Variants in PPP4R3A observed in about 807,000 individuals in gnomAD.
PPP4R3A encodes the protein protein phosphatase 4 regulatory subunit 3A.
PPP4R3A carries 15 observed loss-of-function variants against 91.7 expected under a neutral mutation model. The ratio of observed to expected loss-of-function variants is 0.16; its 90% confidence interval spans 0.11 to 0.25. The LOEUF is 0.25. Among genes scored for constraint, PPP4R3A ranks in the 10% least tolerant of loss-of-function variants. PPP4R3A has a pLI of 1.00. For synonymous variants in PPP4R3A, 377 were observed against 348.7 expected (o/e 1.08, Z -0.91); for missense variants, 623 against 998.4 (o/e 0.62, Z 5.07).
intron 1 of PPP4R3A, among the ~76,000 whole-genome samples, chr14:91,499,937 A>T (rs998182660): frequency 5.3e-5 from 8 of 152,024 alleles, no homozygotes; most frequent in Admixed American, 3.9e-4. Context: ...AACACAACAC[A>T]ACACTACACC....
Position 91,503,737 on chromosome 14 carries a change from A to C in PPP4R3A, c.142+5769T>G, listed in dbSNP as rs146909668. ...TTAAAATAAAAGTTGAAGAAAAAAC[A>C]AAAGAAAGAAAAGTAGTATAATGAT... is the stretch of plus-strand genomic sequence containing the variant. On this transcript the variant is annotated intron_variant, in intron 1 of 14. Coordinates refer to ENST00000554943, the MANE Select transcript of PPP4R3A (RefSeq NM_001366432.2). 3.0e-3 allele frequency among the ~76,000 whole-genome samples: 452 copies of C among 152,324 alleles called. 3 individuals carry two copies. Among genetic ancestry groups the C allele is most frequent in the Non-Finnish European group, 4.7e-3 (322 of 68,014 alleles).
intron 7 of PPP4R3A, chr14:91,475,254 C>T (rs1889117482): frequency 6.5e-6 from 1 of 152,684 alleles, no homozygotes; most frequent in South Asian, 2.1e-4. Context: ...ACATGTCACG[C>T]ACTATGTGAT....
chr14:91,489,199 G>A lies in PPP4R3A; in HGVS notation c.198+1548C>T, dbSNP rs550895167. Among the ~76,000 whole-genome samples, 298 of 152,138 alleles carry A rather than the reference G, an allele frequency of 2.0e-3. 1 individual carries two copies. The highest frequency in any genetic ancestry group is 6.9e-3 in the African/African-American group (287 of 41,512). On this transcript the variant is annotated intron_variant, in intron 2 of 14. Transcript: ENST00000554943. ...TGGGATTACAGGTGTGAGCCACCAC[G>A]CCTGGCTGGTACTACTTCTTAGTGA... is the stretch of plus-strand genomic sequence containing the variant.
intron 1 of PPP4R3A, among the ~76,000 whole-genome samples, chr14:91,492,785 C>A (rs1890304668): frequency 6.6e-6 from 1 of 152,154 alleles, no homozygotes; most frequent in Admixed American, 6.5e-5. Flanking sequence ...GGAGAAAATA[C>A]TGTTTTAATC....
chr14:91,509,808 C>T lies in PPP4R3A; in HGVS notation c.-161G>A. The T allele has an allele frequency of 3.3e-6, 4 of 1,225,686 alleles. No homozygotes were observed. Among genetic ancestry groups the T allele is most frequent in the Non-Finnish European group, 4.1e-6 (4 of 986,862 alleles). 75.9% of individuals were successfully genotyped at this position (1,225,686 alleles called of 1,614,324 possible). A position where few individuals can be genotyped will look rare whatever the true frequency, so the allele number is the denominator to read the frequency against. ...CGGGGCCGCGCCGCCGCCTGCATGG[C>T]CCGCTCCAGGGACCGAGCTCTGGGC... On this transcript the variant is annotated 5_prime_UTR_variant, in exon 1 of 15. Transcript: ENST00000554943.
intron 2 of PPP4R3A, among the ~76,000 whole-genome samples, chr14:91,489,122 T>C (rs1021378017): frequency 2.0e-5 from 3 of 152,082 alleles, no homozygotes; most frequent in Non-Finnish European, 4.4e-5. Flanking sequence ...TTAGCCAGGA[T>C]GGTCTCGATC....
chr14:91,482,580 A>G (rs1889637220), intron 3 of PPP4R3A, among the ~76,000 whole-genome samples: 1 of 152,340 alleles, frequency 6.6e-6, no homozygotes, highest in Admixed American at 6.5e-5. Context: ...CAAGTCTCAG[A>G]AACAGTCCTA....
chr14:91,475,054 C>T (rs1321428669), intron 7 of PPP4R3A: 1 of 151,880 alleles, frequency 6.6e-6, no homozygotes, highest in Non-Finnish European at 1.5e-5. Context: ...GAATTCTAAA[C>T]AGATTTTTTT....
chr14:91,502,339 T>G (rs1891017930), intron 1 of PPP4R3A, among the ~76,000 whole-genome samples: 1 of 152,080 alleles, frequency 6.6e-6, no homozygotes, highest in South Asian at 2.1e-4. Context: ...GGTAGGAGGA[T>G]TACTTGAGCC....
chr14:91,502,188 G>A (rs988320353), intron 1 of PPP4R3A, among the ~76,000 whole-genome samples: 2 of 152,114 alleles, frequency 1.3e-5, no homozygotes, highest in Non-Finnish European at 2.9e-5. Flanking sequence ...AGGAGGGTGA[G>A]GTAGGAGCAT....
chr14:91,483,356 G>C (rs1193696129), intron 3 of PPP4R3A, among the ~76,000 whole-genome samples: 3 of 152,188 alleles, frequency 2.0e-5, no homozygotes, highest in Admixed American at 2.0e-4. Flanking sequence ...CTTGAAATGT[G>C]CTGCAAGGTG....
intron 1 of PPP4R3A, among the ~76,000 whole-genome samples, chr14:91,503,737 AAAAG>A (rs1414667941): frequency 2.6e-5 from 4 of 152,210 alleles, no homozygotes; most frequent in East Asian, 1.9e-4. Flanking sequence ...AAGAAAAAAC[AAAAG>A]AAAGAAAAGT....
At chr14:91,477,072 A>G (rs1889258037) in intron 4 of PPP4R3A, 86 bp from the exon 5 acceptor site, 3 of 1,034,588 alleles carry the variant, frequency 2.9e-6, no homozygotes, top group Admixed American at 3.0e-5. Context: ...ATACACAGCA[A>G]TAACTATAAA....
intron 1 of PPP4R3A, among the ~76,000 whole-genome samples, chr14:91,497,336 TTATTTACACACACAC>T (rs1162593543): frequency 1.1e-4 from 11 of 98,356 alleles, no homozygotes; most frequent in Non-Finnish European, 2.0e-5. Context: ...GAGGAATCTT[TTATTTACACACACAC>T]ACACACACAC....
At chr14:91,466,547 G>GT in intron 10 of PPP4R3A, 2 of 512,098 alleles carry the variant, frequency 3.9e-6, no homozygotes, top group Non-Finnish European at 5.0e-6. Flanking sequence ...ATTTAAGAGT[G>GT]TATCTTTCTT....
intron 2 of PPP4R3A, among the ~76,000 whole-genome samples, chr14:91,486,235 T>C (rs565184046): frequency 4.3e-5 from 6 of 141,156 alleles, no homozygotes; most frequent in South Asian, 2.4e-4. Flanking sequence ...CATTTACCTA[T>C]ACATAGGTTT....
At chr14:91,485,787 G>GAACAAACAAAAGGAAATA (rs1889842955) in intron 2 of PPP4R3A, 57 bp from the exon 3 acceptor site, 2 of 1,177,374 alleles carry the variant, frequency 1.7e-6, no homozygotes, top group South Asian at 3.0e-5. Flanking sequence ...AAACGAAAAT[G>GAACAAACAAAAGGAAATA]AACAAACAAA....
intron 6 of PPP4R3A, 144 bp downstream of exon 6, chr14:91,476,264 T>C (rs1011046343): frequency 6.7e-6 from 5 of 743,560 alleles, no homozygotes; most frequent in South Asian, 1.8e-5. Flanking sequence ...TGTCTAATAT[T>C]GGAATTTTAC....
At chr14:91,500,361 C>T (rs915373060) in intron 1 of PPP4R3A, among the ~76,000 whole-genome samples, 1 of 152,104 alleles carries the variant, frequency 6.6e-6, no homozygotes, top group South Asian at 2.1e-4. Context: ...CCACCACGCC[C>T]AGCTAATTTT....
Sources: gnomAD v4.1 joint callset for allele counts (sites outside exome capture counted in the v4.1 genomes callset) on GRCh38, gnomAD v4.1.1 for gene constraint, MANE v1.5 for transcripts, NCBI Gene and HGNC (gene_info 2026-07-23, HGNC 2026-07-21) for gene names.